Variants in HECW1 observed in about 807,000 individuals in gnomAD.
HECW1 encodes the protein E3 ubiquitin-protein ligase HECW1.
HECW1 carries 61 observed loss-of-function variants against 182.3 expected under a neutral mutation model. That is an observed-to-expected ratio of 0.33 (90% CI 0.27 to 0.41). The LOEUF (loss-of-function observed/expected upper bound fraction) is 0.41. Ranked by LOEUF, HECW1 falls within the 10% of genes least tolerant of loss-of-function variation. HECW1 has a pLI of 1.00. For synonymous variants in HECW1, 859 were observed against 832.6 expected (o/e 1.03, Z -0.55); for missense variants, 1,739 against 2,108.9 (o/e 0.82, Z 3.44).
chr7:43,275,645 T>C (rs1384699432), intron 3 of HECW1, among the ~76,000 whole-genome samples: 1 of 152,090 alleles, frequency 6.6e-6, no homozygotes, highest in African/African-American at 2.4e-5. Flanking sequence ...AGCCTGGTCA[T>C]TAATTCATCC....
intron 5 of HECW1, among the ~76,000 whole-genome samples, chr7:43,338,649 CA>C (rs1217353999): frequency 6.6e-6 from 1 of 152,176 alleles, no homozygotes; most frequent in Non-Finnish European, 1.5e-5. Context: ...GCACAACACA[CA>C]CACAGAAAAG....
At chr7:43,549,199 A>G (rs2152957975) in intron 26 of HECW1, among the ~76,000 whole-genome samples, 1 of 152,302 alleles carries the variant, frequency 6.6e-6, no homozygotes, top group South Asian at 2.1e-4. Flanking sequence ...TGCCACACCT[A>G]GCTGTGAGAG....
chr7:43,253,188 C>T (rs1361795423), intron 3 of HECW1, among the ~76,000 whole-genome samples: 3 of 152,016 alleles, frequency 2.0e-5, no homozygotes, highest in Non-Finnish European at 2.9e-5. Flanking sequence ...GAACCACTGG[C>T]AACCTCTTGG....
chr7:43,295,722 T>C (rs1805965642), intron 3 of HECW1, among the ~76,000 whole-genome samples: 1 of 152,160 alleles, frequency 6.6e-6, no homozygotes, highest in African/African-American at 2.4e-5. Flanking sequence ...GAAGAGACCT[T>C]TGTTTATATC....
intron 26 of HECW1, among the ~76,000 whole-genome samples, chr7:43,548,458 G>C (rs976034504): frequency 2.6e-5 from 4 of 152,054 alleles, no homozygotes; most frequent in African/African-American, 9.7e-5. Flanking sequence ...TTCAAAAGGG[G>C]GTCACCAAGA....
chr7:43,301,228 C>T (rs1806732927), intron 3 of HECW1, among the ~76,000 whole-genome samples: 2 of 152,212 alleles, frequency 1.3e-5, no homozygotes, highest in African/African-American at 4.8e-5. Context: ...TCTGCTGAAT[C>T]TGGAAGCTCA....
intron 2 of HECW1, among the ~76,000 whole-genome samples, chr7:43,132,333 A>G (rs774592609): frequency 2.6e-5 from 4 of 152,228 alleles, no homozygotes; most frequent in Admixed American, 2.6e-4. Flanking sequence ...CTCCATCAAA[A>G]AGTACAATTT....
intron 2 of HECW1, among the ~76,000 whole-genome samples, chr7:43,183,677 A>G (rs1318704781): frequency 6.6e-6 from 1 of 152,202 alleles, no homozygotes; most frequent in East Asian, 1.9e-4. Flanking sequence ...CAAATTTCTG[A>G]CTATCCATAG....
chr7:43,115,178 C>G (rs1784942327), intron 2 of HECW1, among the ~76,000 whole-genome samples: 1 of 152,114 alleles, frequency 6.6e-6, no homozygotes, highest in African/African-American at 2.4e-5. Flanking sequence ...TAACGTGAAC[C>G]ATGCAAGCAA....
chr7:43,473,367 G>A (rs1311312908), intron 16 of HECW1, among the ~76,000 whole-genome samples: 2 of 152,150 alleles, frequency 1.3e-5, no homozygotes. Context: ...CTAAGACACT[G>A]ATGAAACACC....
At chr7:43,228,292 C>G (rs968332129) in intron 2 of HECW1, among the ~76,000 whole-genome samples, 27 of 151,844 alleles carry the variant, frequency 1.8e-4, no homozygotes, top group Non-Finnish European at 3.2e-4. Flanking sequence ...TCAAGACCAG[C>G]CTGGGCAACA....
chr7:43,540,781 C>A (rs554532618), intron 24 of HECW1, among the ~76,000 whole-genome samples: 1 of 152,314 alleles, frequency 6.6e-6, no homozygotes, highest in African/African-American at 2.4e-5. Context: ...GACGCACATC[C>A]AGAAAGCCCT....
intron 3 of HECW1, among the ~76,000 whole-genome samples, chr7:43,275,363 A>T (rs1011445505): frequency 1.3e-5 from 2 of 152,152 alleles, no homozygotes; most frequent in Non-Finnish European, 2.9e-5. Flanking sequence ...TGAAAAATAC[A>T]CATGCATGCA....
intron 3 of HECW1, among the ~76,000 whole-genome samples, chr7:43,244,399 G>C (rs1329783236): frequency 6.6e-6 from 1 of 152,160 alleles, no homozygotes; most frequent in Non-Finnish European, 1.5e-5. Context: ...TCTTGCAGCA[G>C]GGTTGCTTTC....
chr7:43,259,408 A>G (rs956335105), intron 3 of HECW1, among the ~76,000 whole-genome samples: 4 of 152,164 alleles, frequency 2.6e-5, no homozygotes, highest in African/African-American at 9.7e-5. Flanking sequence ...ACCGTTCAAT[A>G]TATAATTTTT....
intron 7 of HECW1, among the ~76,000 whole-genome samples, chr7:43,397,143 T>C (rs1038158432): frequency 3.9e-5 from 6 of 152,112 alleles, no homozygotes; most frequent in African/African-American, 1.2e-4. Flanking sequence ...GTTCTACCTT[T>C]CCCCCAGGTC....
At chr7:43,119,803 C>G (rs943998559) in intron 2 of HECW1, among the ~76,000 whole-genome samples, 1 of 152,112 alleles carries the variant, frequency 6.6e-6, no homozygotes, top group Admixed American at 6.5e-5. Flanking sequence ...TTTTTCTCAC[C>G]CAGATCCAGC....
chr7:43,185,982 A>G (rs923410058), intron 2 of HECW1, among the ~76,000 whole-genome samples: 20 of 152,118 alleles, frequency 1.3e-4, no homozygotes, highest in African/African-American at 4.6e-4. Flanking sequence ...GTTAGGTTGT[A>G]TGTTGAAGAA....
chr7:43,359,838 G>C (rs1584618031), intron 5 of HECW1, among the ~76,000 whole-genome samples: 1 of 152,150 alleles, frequency 6.6e-6, no homozygotes, highest in Admixed American at 6.5e-5. Context: ...AAGGGACCAA[G>C]ACATAGCCTG....
Sources: gnomAD v4.1 joint callset for allele counts (sites outside exome capture counted in the v4.1 genomes callset) on GRCh38, gnomAD v4.1.1 for gene constraint, MANE v1.5 for transcripts, NCBI Gene and HGNC (gene_info 2026-07-23, HGNC 2026-07-21) for gene names.